SHF: variants seen among roughly 807,000 people sequenced by gnomAD.
SHF encodes the protein Src homology 2 domain containing F.
SHF carries 30 observed loss-of-function variants against 42.4 expected under a neutral mutation model. The observed-to-expected ratio is 0.71, with a 90% CI of 0.53 to 0.96. SHF has a LOEUF of 0.96. SHF is among the 40% of genes least tolerant of loss of function. SHF has a pLI of 0.00. For synonymous variants in SHF, 264 were observed against 269.9 expected, an observed-to-expected ratio of 0.98 and a Z score of 0.21; for missense variants, 598 against 634.0, an observed-to-expected ratio of 0.94 and a Z score of 0.61.
upstream of SHF, among the ~76,000 whole-genome samples, chr15:45,190,139 C>T (rs1898672720): frequency 6.6e-6 from 1 of 152,186 alleles, no homozygotes; most frequent in South Asian, 2.1e-4. Flanking sequence ...GATACAGATA[C>T]TGCTGGTCCC....
chr15:45,198,642 CA>C (rs775492374), intron 2 of SHF: 7 of 1,191,240 alleles, frequency 5.9e-6, no homozygotes, highest in Non-Finnish European at 7.9e-6. Flanking sequence ...TTGCTGCGGC[CA>C]CAACGCAGAG....
intron 2 of SHF, among the ~76,000 whole-genome samples, chr15:45,195,117 C>T (rs1898827154): frequency 6.6e-6 from 1 of 152,174 alleles, no homozygotes. Context: ...TAGGCATGAG[C>T]CACTGTGCCT....
At chr15:45,186,970 C>G (rs533561735) in intron 1 of SHF, among the ~76,000 whole-genome samples, 9 of 152,318 alleles carry the variant, frequency 5.9e-5, no homozygotes, top group African/African-American at 2.2e-4. Flanking sequence ...GCTGGAGAAA[C>G]AGGAGGAGGA....
intron 6 of SHF, chr15:45,170,799 T>G: frequency 4.7e-6 from 1 of 214,806 alleles, no homozygotes; most frequent in Non-Finnish European, 9.5e-6. Flanking sequence ...TTACCAGTGC[T>G]CACCATCACA....
In SHF at chr15:45,170,532, G is replaced by A. The variant is rs762492954; in HGVS notation, c.1280+1351C>T. ...AACTCATTTGGCAAAGGTAGAAACC[G>A]AGGCTCGGAGATATTAAGTGATTTC... On this transcript the variant is annotated intron_variant, in intron 6 of 6. Coordinates refer to ENST00000690270, the MANE Select transcript of SHF (RefSeq NM_001394037.1). 2.5e-4 allele frequency: 237 copies of A among 941,964 alleles called. 1 individual carries two copies. The highest frequency in any genetic ancestry group is 3.3e-4 in the Non-Finnish European group (230 of 690,620). 58.4% of individuals were successfully genotyped at this position (941,964 alleles called of 1,614,324 possible). A position where few individuals can be genotyped will look rare whatever the true frequency, so the allele number is the denominator to read the frequency against.
intron 6 of SHF, chr15:45,170,344 G>A (rs1244945847): frequency 7.8e-7 from 1 of 1,277,908 alleles, no homozygotes; most frequent in East Asian, 5.6e-5. Context: ...TGGTATACAG[G>A]CTGCTTGGTA....
At chr15:45,198,675 G>A (rs543193173) in intron 2 of SHF, 35 of 1,471,958 alleles carry the variant, frequency 2.4e-5, no homozygotes, top group South Asian at 1.6e-4. Flanking sequence ...ATACGATCAC[G>A]GCGAGCTACC....
intron 2 of SHF, among the ~76,000 whole-genome samples, chr15:45,195,519 T>A (rs1209239558): frequency 1.3e-5 from 2 of 152,234 alleles, no homozygotes; most frequent in South Asian, 4.1e-4. Flanking sequence ...AAAATGACAC[T>A]TTCCTGGTTT....
upstream of SHF, among the ~76,000 whole-genome samples, chr15:45,192,734 TA>T (rs1898745973): frequency 6.6e-6 from 1 of 152,236 alleles, no homozygotes; most frequent in Admixed American, 6.5e-5. Flanking sequence ...TAGTCTATTT[TA>T]ATTTTGAACA....
At chr15:45,178,405 G>C (rs1259089945) in intron 1 of SHF, 99 bp from the exon 2 acceptor site, 2 of 1,412,968 alleles carry the variant, frequency 1.4e-6, no homozygotes, top group Non-Finnish European at 1.9e-6. Flanking sequence ...TCCCAAGTAG[G>C]CTGCCTTCGA....
At chr15:45,198,742 A>C in intron 2 of SHF, 2 of 1,593,904 alleles carry the variant, frequency 1.3e-6, no homozygotes, top group South Asian at 2.3e-5. Flanking sequence ...AGGCCTTCCC[A>C]GTTTGCGCGT....
rs780752643 is a variant in SHF at position 45,168,127 on chromosome 15, G to C, written c.1287C>G (p.Ser429Arg). The C allele has an allele frequency of 6.3e-7, 1 of 1,588,978 alleles. No homozygotes were observed. Among genetic ancestry groups the C allele is most frequent in the Non-Finnish European group, 8.6e-7 (1 of 1,164,144 alleles). Reference protein sequence around the residue: ...KNDFSLSLKSSQGFMHMKLSR... With the variant: ...KNDFSLSLKSRQGFMHMKLSR... ...ACAGCTTCATGTGCATGAATCCCTG[G>C]CTGCTCCTGGGAAGAGGAGAGGAGA... Residue 429 changes from serine to arginine, a missense_variant, in exon 7 of 7, where the codon AGC becomes AGG. Physicochemically the swap from Ser to Arg is moderately radical, Grantham distance 110 (BLOSUM62 -1). This residue lies in a region of SHF where 439 missense variants were observed against 524.6 expected (regional missense o/e 0.84). Coordinates refer to ENST00000690270, the MANE Select transcript of SHF (RefSeq NM_001394037.1).
At chr15:45,182,830 C>A (rs925893002) in intron 1 of SHF, among the ~76,000 whole-genome samples, 1 of 152,146 alleles carries the variant, frequency 6.6e-6, no homozygotes, top group African/African-American at 2.4e-5. Flanking sequence ...CTTTTTATAC[C>A]CATTGTTCCT....
upstream of SHF, among the ~76,000 whole-genome samples, chr15:45,188,186 A>G (rs1393337579): frequency 6.6e-6 from 1 of 152,170 alleles, no homozygotes; most frequent in East Asian, 1.9e-4. Flanking sequence ...CCTGGGGCAG[A>G]GGATGCGACT....
chr15:45,189,609 C>G (rs1303904124), upstream of SHF, among the ~76,000 whole-genome samples: 1 of 151,946 alleles, frequency 6.6e-6, no homozygotes. Flanking sequence ...AGGCTGGTCT[C>G]GAACTCCTGA....
intron 2 of SHF, among the ~76,000 whole-genome samples, chr15:45,177,950 T>C (rs1420083933): frequency 1.3e-5 from 2 of 152,166 alleles, no homozygotes; most frequent in Non-Finnish European, 2.9e-5. Context: ...TGAACTTCAG[T>C]TGTGTGGCCT....
chr15:45,189,627 T>C (rs1014122452), upstream of SHF, among the ~76,000 whole-genome samples: 1 of 152,064 alleles, frequency 6.6e-6, no homozygotes, highest in African/African-American at 2.4e-5. Flanking sequence ...TGACCTCAAG[T>C]GATTCCCCAC....
intron 2 of SHF, among the ~76,000 whole-genome samples, chr15:45,175,825 T>C (rs1034171283): frequency 6.0e-5 from 9 of 148,990 alleles, no homozygotes; most frequent in Admixed American, 6.7e-5. Context: ...TTTTCTTTTT[T>C]TTTTTTTTTT....
chr15:45,186,202 T>C (rs1898389198), intron 1 of SHF, among the ~76,000 whole-genome samples: 1 of 152,216 alleles, frequency 6.6e-6, no homozygotes, highest in African/African-American at 2.4e-5. Context: ...CTCTGCAGAA[T>C]AAGTATCCTG....
Sources: allele counts gnomAD v4.1 joint callset (sites outside exome capture counted in the v4.1 genomes callset), GRCh38; gene constraint gnomAD v4.1.1; regional missense constraint gnomAD v4.1.1; transcripts MANE v1.5; gene names NCBI Gene and HGNC (gene_info 2026-07-23, HGNC 2026-07-21).